The following FHOD3 variants were observed in gnomAD, a reference collection of about 807,000 sequenced individuals.
FHOD3 encodes the protein formin homology 2 domain containing 3.
FHOD3 carries 90 observed loss-of-function variants against 173.0 expected under a neutral mutation model. The observed-to-expected ratio is 0.52, with a 90% CI of 0.44 to 0.62. FHOD3 has a LOEUF of 0.62. Among genes scored for constraint, FHOD3 ranks in the 20% least tolerant of loss-of-function variants. The pLI is 0.00. For synonymous variants in FHOD3, 828 were observed against 823.0 expected, an observed-to-expected ratio of 1.01 and a Z score of -0.10; for missense variants, 1,945 against 2,034.7, an observed-to-expected ratio of 0.96 and a Z score of 0.85.
intron 9 of FHOD3, among the ~76,000 whole-genome samples, chr18:36,623,903 C>T (rs889671547): frequency 2.5e-4 from 38 of 152,182 alleles, no homozygotes; most frequent in African/African-American, 7.2e-4. Flanking sequence ...TTGCCTCAGC[C>T]GAGCTCACAT....
rs182610912 is a variant in FHOD3 at position 36,462,663 on chromosome 18, G to C, written c.338-39269G>C. On this transcript the variant is annotated intron_variant, in intron 3 of 28. Coordinates refer to ENST00000590592, the MANE Select transcript of FHOD3 (RefSeq NM_001281740.3). The stretch of plus-strand genomic sequence containing the variant: ...GCTCTGTCACCCAAGCTAGAGTGCA[G>C]TGGTGCAATCATAGCTTTCTGTGTG... Among the ~76,000 whole-genome samples, 9 of 152,318 alleles carry C rather than the reference G, an allele frequency of 5.9e-5. No individual in the cohort carries two copies. The East Asian group carries it at 1.3e-3, about 23-fold the overall frequency.
At chr18:36,544,781 A>C (rs1249658883) in intron 5 of FHOD3, 1 of 152,218 alleles carries the variant, frequency 6.6e-6, no homozygotes, top group Non-Finnish European at 1.5e-5. Context: ...CTCCTCTCTT[A>C]ACATCTTCCC....
intron 3 of FHOD3, among the ~76,000 whole-genome samples, chr18:36,435,317 A>G (rs2050756376): frequency 1.3e-5 from 2 of 152,130 alleles, no homozygotes; most frequent in Non-Finnish European, 2.9e-5. Flanking sequence ...TTTAGTGCTA[A>G]TGAAGGGAGA....
At chr18:36,464,953 G>C (rs183787387) in intron 3 of FHOD3, among the ~76,000 whole-genome samples, 9 of 152,128 alleles carry the variant, frequency 5.9e-5, no homozygotes, top group Middle Eastern at 3.4e-3. Flanking sequence ...ACACACGCAG[G>C]CAAACTGCCA....
intron 10 of FHOD3, among the ~76,000 whole-genome samples, chr18:36,639,264 C>T (rs575797208): frequency 3.4e-4 from 52 of 152,204 alleles, no homozygotes; most frequent in African/African-American, 1.1e-3. Context: ...GAATATTGGC[C>T]GGCGTGGTGG....
chr18:36,712,282 A>G (rs1600365206), intron 18 of FHOD3, among the ~76,000 whole-genome samples: 1 of 152,242 alleles, frequency 6.6e-6, no homozygotes, highest in South Asian at 2.1e-4. Context: ...AACAGATGCC[A>G]ACACTGAGAT....
rs60734507 is a variant in FHOD3 at position 36,720,927 on chromosome 18, A to G, written c.3417+2212A>G. ...GGGAGGAATAAAATGGAGTAAAAGT[A>G]TGGAGGTGAAGGCACTCCTAGCTTC... On this transcript the variant is annotated intron_variant, in intron 19 of 28. Coordinates refer to ENST00000590592, the MANE Select transcript of FHOD3 (RefSeq NM_001281740.3). Among the ~76,000 whole-genome samples the G allele has an allele frequency of 3.2e-3, 491 of 152,254 alleles. 3 individuals carry two copies. The highest frequency in any genetic ancestry group is 0.011 in the African/African-American group (466 of 41,554).
chr18:36,480,755 C>A (rs997128), intron 3 of FHOD3, among the ~76,000 whole-genome samples: 108,612 of 152,096 alleles, frequency 0.71, 40,136 homozygotes, highest in East Asian at 0.95. Context: ...GACCAACCTC[C>A]ATATTAGTAA....
At chr18:36,611,273 T>C (rs1320825855) in intron 8 of FHOD3, among the ~76,000 whole-genome samples, 1 of 152,208 alleles carries the variant, frequency 6.6e-6, no homozygotes, top group African/African-American at 2.4e-5. Context: ...AACAAATTAC[T>C]GCAAACTTAG....
chr18:36,743,393 A>C lies in FHOD3; in HGVS notation c.3879+537A>C, dbSNP rs529500881. Among the ~76,000 whole-genome samples, 11 of 152,180 alleles carry C rather than the reference A, an allele frequency of 7.2e-5. No homozygotes were observed. In the South Asian group the frequency reaches 1.7e-3, roughly 23 times the overall value. ...CTTGCTATAAATAAGAAAACAGAAAAACACACACATGATTCTTTATGAAGT... is the reference window on the plus strand; with the variant it reads ...CTTGCTATAAATAAGAAAACAGAAACACACACACATGATTCTTTATGAAGT... On this transcript the variant is annotated intron_variant, in intron 22 of 28. Coordinates refer to ENST00000590592, the MANE Select transcript of FHOD3 (RefSeq NM_001281740.3).
intron 3 of FHOD3, among the ~76,000 whole-genome samples, chr18:36,393,828 CT>C (rs2048421329): frequency 6.6e-6 from 1 of 152,170 alleles, no homozygotes; most frequent in African/African-American, 2.4e-5. Context: ...GGGTCCCAAA[CT>C]TCAGAAAACT....
chr18:36,529,920 C>T (rs1034449009), intron 5 of FHOD3, among the ~76,000 whole-genome samples: 2 of 151,952 alleles, frequency 1.3e-5, no homozygotes, highest in Admixed American at 1.3e-4. Context: ...GGTTCCCTGC[C>T]GGGCTTGGTA....
rs114452845 is a variant in FHOD3 at position 36,747,482 on chromosome 18, G to A, written c.4232+347G>A. Among the ~76,000 whole-genome samples the A allele has an allele frequency of 3.5e-3, 533 of 152,306 alleles. 4 individuals are homozygous for A. The highest frequency in any genetic ancestry group is 0.012 in the African/African-American group (515 of 41,564). ...TATAGAGAGGACACTCCCTTTCAAGGCAGCTCTCTTTGTTAGAAAAGTTCC... is the reference window on the plus strand; with the variant it reads ...TATAGAGAGGACACTCCCTTTCAAGACAGCTCTCTTTGTTAGAAAAGTTCC... On this transcript the variant is annotated intron_variant, in intron 24 of 28. Transcript: ENST00000590592.
intron 3 of FHOD3, among the ~76,000 whole-genome samples, chr18:36,476,662 C>T (rs1292341008): frequency 6.6e-6 from 1 of 152,218 alleles, no homozygotes; most frequent in African/African-American, 2.4e-5. Flanking sequence ...TGTCGATTAG[C>T]TACTTCAAAG....
chr18:36,512,587 G>A, intron 5 of FHOD3, 44 bp downstream of exon 5: 1 of 1,399,960 alleles, frequency 7.1e-7, no homozygotes, highest in South Asian at 1.2e-5. Flanking sequence ...AGCTGCAGGG[G>A]GGATCTGGGT....
intron 5 of FHOD3, among the ~76,000 whole-genome samples, chr18:36,528,448 T>A (rs955911466): frequency 6.6e-6 from 1 of 152,200 alleles, no homozygotes; most frequent in Non-Finnish European, 1.5e-5. Flanking sequence ...ATAAAGCCTG[T>A]CTTTCTATGG....
chr18:36,569,510 T>C (rs1031858323), intron 5 of FHOD3, among the ~76,000 whole-genome samples: 1 of 152,146 alleles, frequency 6.6e-6, no homozygotes, highest in Admixed American at 6.6e-5. Flanking sequence ...TACTTCTTTT[T>C]TGGTAATCAA....
chr18:36,520,427 G>C (rs905744356), intron 5 of FHOD3, among the ~76,000 whole-genome samples: 2 of 152,188 alleles, frequency 1.3e-5, no homozygotes, highest in African/African-American at 4.8e-5. Flanking sequence ...GCTGAACCAT[G>C]TGAGGTTGCT....
At chr18:36,754,782 A>G (rs1254261412) in intron 24 of FHOD3, among the ~76,000 whole-genome samples, 1 of 151,704 alleles carries the variant, frequency 6.6e-6, no homozygotes, top group Non-Finnish European at 1.5e-5. Context: ...TATCCATTTT[A>G]GAAAAATGTT....
Sources: gnomAD v4.1 joint callset for allele counts (sites outside exome capture counted in the v4.1 genomes callset) on GRCh38, gnomAD v4.1.1 for gene constraint, MANE v1.5 for transcripts, NCBI Gene and HGNC (gene_info 2026-07-23, HGNC 2026-07-21) for gene names.